The following RNASEL variants were observed in gnomAD, a reference collection of about 807,000 sequenced individuals.
The protein encoded by RNASEL is ribonuclease L.
Under a neutral mutation model 50.9 loss-of-function variants are expected in RNASEL, and 36 were observed. That is an observed-to-expected ratio of 0.71 (90% confidence interval 0.54 to 0.93). RNASEL has a LOEUF of 0.93. Ranked by LOEUF, RNASEL falls within the 40% of genes least tolerant of loss-of-function variation. The pLI is 0.00. For synonymous variants in RNASEL, 335 were observed against 335.6 expected (o/e 1.00, Z 0.02); for missense variants, 860 against 894.5 (o/e 0.96, Z 0.49).
chr1:182,584,131 T>C lies in RNASEL; in HGVS notation c.1516A>G (p.Lys506Glu), dbSNP rs533485839. Residue 506 changes from lysine (K) to glutamate (E), a missense_variant, in exon 3 of 7, where the codon AAG (lysine) becomes GAG (glutamate). Lys to Glu is a moderately conservative substitution (Grantham distance 56, BLOSUM62 1). Transcript: ENST00000367559. Reference protein sequence around the residue: ...KKAAHLADFDKSIKWAGDPQE... With the variant: ...KKAAHLADFDESIKWAGDPQE... The stretch of plus-strand genomic sequence containing the variant: ...GGATCTCCAGCCCACTTGATGCTCT[T>C]ATCAAAATCTGCCAGGTGAGCAGCT... The C allele has an allele frequency of 4.3e-6, 7 of 1,614,112 alleles. No individual in the cohort carries two copies. The East Asian group carries it at 1.3e-4, about 31-fold the overall frequency.
At position 182,574,230 on chromosome 1, in the gene RNASEL, G is replaced by A; in HGVS notation, c.*1162C>T. 1 of 225,260 alleles carries A rather than the reference G, an allele frequency of 4.4e-6. No individual in the cohort carries two copies. The highest frequency in any genetic ancestry group is 8.8e-6 in the Non-Finnish European group (1 of 113,138). The allele number at this position is 225,260 out of a possible 1,614,324, so 14.0% of individuals were successfully genotyped here. On this transcript the variant is annotated 3_prime_UTR_variant, in exon 7 of 7. Transcript: ENST00000367559. Reference sequence around the variant, plus strand: ...CACTTGGCAGACTTTTTGCTTGGCAGTGAAGATACAAAGTCAAGAAAAGAC... The same window carrying A: ...CACTTGGCAGACTTTTTGCTTGGCAATGAAGATACAAAGTCAAGAAAAGAC...
rs918354801 is a variant in RNASEL, at chr1:182,574,310, G to A, written c.*1082C>T. On this transcript the variant is annotated 3_prime_UTR_variant, in exon 7 of 7. Transcript: ENST00000367559. Reference sequence around the variant, plus strand: ...AGTGGAGGAACCAAAACTAAAAGGCGGAGGAAAGCTCTGGGTGCTTGGGAG... The same window carrying A: ...AGTGGAGGAACCAAAACTAAAAGGCAGAGGAAAGCTCTGGGTGCTTGGGAG... 13 of 226,832 alleles carry A rather than the reference G, an allele frequency of 5.7e-5. No homozygotes were observed. Among genetic ancestry groups the A allele is most frequent in the African/African-American group, 1.6e-4 (7 of 44,962 alleles). The allele number at this position is 226,832 out of a possible 1,614,324, so 14.1% of individuals were successfully genotyped here.
intron 3 of RNASEL, among the ~76,000 whole-genome samples, chr1:182,582,559 T>C (rs1481911191): frequency 6.6e-6 from 1 of 151,964 alleles, no homozygotes; most frequent in Non-Finnish European, 1.5e-5. Context: ...TATAGATAAA[T>C]TGAGGAAAGG....
chr1:182,580,722 G>A (rs1019557554), intron 5 of RNASEL, among the ~76,000 whole-genome samples: 13 of 152,250 alleles, frequency 8.5e-5, no homozygotes, highest in African/African-American at 3.1e-4. Context: ...TTCTTAAAGA[G>A]AGCAATTTGA....
At position 182,586,706 on chromosome 1, in the gene RNASEL, T is replaced by C; in HGVS notation, c.101A>G (p.Gln34Arg). 6.2e-7 allele frequency: 1 copy of C among 1,614,266 alleles called. No individual in the cohort carries two copies. Among genetic ancestry groups the C allele is most frequent in the Non-Finnish European group, 8.5e-7 (1 of 1,180,048 alleles). Residue 34 changes from glutamine to arginine, a missense_variant, in exon 2 of 7, where the codon CAA becomes CGA. Gln to Arg is a conservative substitution (Grantham distance 43). Coordinates refer to ENST00000367559, the MANE Select transcript of RNASEL (RefSeq NM_021133.4). ...CTGGACCAGGTCAACATCTTCGTTT[T>C]GAACAGCTTTAATCAGCAAGTGATT... The part of the protein sequence containing the change: ...EDNHLLIKAV[Q>R]NEDVDLVQQL...
At chr1:182,577,222 A>G (rs1397226072) in intron 5 of RNASEL, among the ~76,000 whole-genome samples, 1 of 151,912 alleles carries the variant, frequency 6.6e-6, no homozygotes, top group Non-Finnish European at 1.5e-5. Context: ...TATATATATA[A>G]TTGTGTCTGG....
Position 182,585,695 on chromosome 1 carries a change from A to G in RNASEL, c.1112T>C (p.Ile371Thr). ...GATGCCTCCTTCTGAAGTATCAGCA[A>G]TTTTGTATTTTTCATCAATAAAGAA... ...LKFFIDEKYK[I>T]ADTSEGGIYL... The change falls in exon 2 of 7, where the codon ATT becomes ACT. Residue 371 changes from isoleucine to threonine, a missense_variant. Transcript: ENST00000367559. The G allele has an allele frequency of 6.2e-7, 1 of 1,614,004 alleles. No individual in the cohort carries two copies. Among genetic ancestry groups the G allele is most frequent in the Non-Finnish European group, 8.5e-7 (1 of 1,180,008 alleles).
At chr1:182,580,497 C>T (rs73061336) in intron 5 of RNASEL, among the ~76,000 whole-genome samples, 4,111 of 152,336 alleles carry the variant, frequency 0.027, 189 homozygotes, top group African/African-American at 0.095. Context: ...GCCCAGCACA[C>T]ATCCCACAGC....
chr1:182,575,844 C>G (rs1011172964), intron 6 of RNASEL, among the ~76,000 whole-genome samples: 12 of 152,218 alleles, frequency 7.9e-5, no homozygotes, highest in African/African-American at 2.9e-4. Context: ...TTCCAAAATC[C>G]AGAAGAGCCC....
chr1:182,586,062 T>C lies in RNASEL; in HGVS notation c.745A>G (p.Lys249Glu). Residue 249 changes from lysine (K) to glutamate (E), a missense_variant, in exon 2 of 7, where the codon AAG becomes GAG. Transcript: ENST00000367559. ...GKTPLILAVE[K>E]KHLGLVQRLL... ...CTCTGCACCAAACCCAAGTGCTTCT[T>C]CTCCACTGCCAGGATCAGGGGAGTC... is the stretch of plus-strand genomic sequence containing the variant. The C allele has an allele frequency of 6.2e-7, 1 of 1,614,048 alleles. No individual in the cohort carries two copies. The highest frequency in any genetic ancestry group is 8.5e-7 in the Non-Finnish European group (1 of 1,180,020).
Position 182,575,430 on chromosome 1 carries a change from C to A in RNASEL, c.2188G>T (p.Ala730Ser). Residue 730 changes from alanine (A) to serine (S), a missense_variant, in exon 7 of 7, where the codon GCT (alanine) becomes TCT (serine). Transcript: ENST00000367559. The stretch of plus-strand genomic sequence containing the variant: ...CTGGCCAACCCACTGGCCCCACCAG[C>A]TCCATCACACTGAGGCTTGTTTGGA... Reference protein sequence around the residue: ...HSPNKPQCDGAGGASGLASPG... With the variant: ...HSPNKPQCDGSGGASGLASPG... The A allele has an allele frequency of 6.2e-7, 1 of 1,614,198 alleles. No homozygotes were observed. Among genetic ancestry groups the A allele is most frequent in the Non-Finnish European group, 8.5e-7 (1 of 1,180,038 alleles).
chr1:182,582,430 T>G (rs531910928), intron 3 of RNASEL, among the ~76,000 whole-genome samples, 172 bp from the exon 4 acceptor site: 7 of 152,354 alleles, frequency 4.6e-5, no homozygotes, highest in African/African-American at 1.7e-4. Context: ...TTCAAGGCAG[T>G]ATATCGCCCA....
chr1:182,582,307 G>T, intron 3 of RNASEL, 49 bp from the exon 4 acceptor site: 1 of 1,603,152 alleles, frequency 6.2e-7, no homozygotes, highest in East Asian at 2.2e-5. Flanking sequence ...AATTATTTGG[G>T]TAACCCTGGA....
rs1176407511 is a variant in RNASEL at position 182,586,364 on chromosome 1, C to T, written c.443G>A (p.Gly148Glu). The T allele has an allele frequency of 6.2e-7, 1 of 1,614,082 alleles. No individual in the cohort carries two copies. The highest frequency in any genetic ancestry group is 1.3e-5 in the African/African-American group (1 of 74,928). ...CTTTCGCCTCAAATTCACATTTGCT[C>T]CTCTCTTATAAAGGAATTTTAGGGC... ...VKALKFLYKR[G>E]ANVNLRRKTK... Residue 148 changes from glycine to glutamate, a missense_variant, in exon 2 of 7, where the codon GGA becomes GAA. Transcript: ENST00000367559.
rs1661512489 is a variant in RNASEL, at chr1:182,582,314, T to C, written c.1567-56A>G. ...TGCTTACTAATTATTTGGGTAACCC[T>C]GGAAGGAGTGGTGCACGCTATTAGC... On this transcript the variant is annotated intron_variant, in intron 3 of 6. Transcript: ENST00000367559. 2.5e-6 allele frequency: 4 copies of C among 1,592,800 alleles called. No individual in the cohort carries two copies. In the East Asian group the frequency reaches 6.7e-5, roughly 27 times the overall value.
chr1:182,574,185 G>C lies in RNASEL; in HGVS notation c.*1207C>G. On this transcript the variant is annotated 3_prime_UTR_variant, in exon 7 of 7. Transcript: ENST00000367559. ...GAAGATGGTTCATTCATTATTCAAT[G>C]AATATTTATTAAACATTCCCACTTG... 1 of 224,256 alleles carries C rather than the reference G, an allele frequency of 4.5e-6. No individual in the cohort carries two copies. Among genetic ancestry groups the C allele is most frequent in the Non-Finnish European group, 8.9e-6 (1 of 112,560 alleles). The allele number at this position is 224,256 out of a possible 1,614,324, so 13.9% of individuals were successfully genotyped here.
chr1:182,583,892 T>C (rs576203241), intron 3 of RNASEL, among the ~76,000 whole-genome samples, 189 bp downstream of exon 3: 3 of 152,348 alleles, frequency 2.0e-5, no homozygotes, highest in African/African-American at 7.2e-5. Flanking sequence ...CTGGCTTCCT[T>C]GTTCCTCAAC....
In RNASEL at chr1:182,574,586, G is replaced by T. The variant is rs1193346795; in HGVS notation, c.*806C>A. On this transcript the variant is annotated 3_prime_UTR_variant, in exon 7 of 7. Transcript: ENST00000367559. ...ATTTTTGTCTGGATAATTCTTTGTT[G>T]CAGGGGCTGTCCTGTGCAAGGCAGG... 1 of 232,510 alleles carries T rather than the reference G, an allele frequency of 4.3e-6. No individual in the cohort carries two copies. The highest frequency in any genetic ancestry group is 2.2e-5 in the African/African-American group (1 of 45,218). The allele number at this position is 232,510 out of a possible 1,614,324, so 14.4% of individuals were successfully genotyped here. A position where few individuals can be genotyped will look rare whatever the true frequency, so the allele number is the denominator to read the frequency against.
At chr1:182,577,274 C>T (rs1272234431) in intron 5 of RNASEL, among the ~76,000 whole-genome samples, 2 of 151,928 alleles carry the variant, frequency 1.3e-5, no homozygotes, top group African/African-American at 4.8e-5. Flanking sequence ...TCTGTATTTT[C>T]CAAGTAAATT....
Sources: gnomAD v4.1 joint callset for allele counts (sites outside exome capture counted in the v4.1 genomes callset) on GRCh38, gnomAD v4.1.1 for gene constraint, MANE v1.5 for transcripts, NCBI Gene and HGNC (gene_info 2026-07-23, HGNC 2026-07-21) for gene names.